Variants in LRP1B observed in about 807,000 individuals in gnomAD.
The protein encoded by LRP1B is LDL receptor related protein 1B, also known as low-density lipoprotein receptor-related protein 1B.
A neutral mutation model predicts 556.6 loss-of-function variants in LRP1B; 217 were observed. The observed-to-expected ratio is 0.39, with a 90% confidence interval of 0.35 to 0.44. The LOEUF is 0.44. Ranked by LOEUF, LRP1B falls within the 20% of genes least tolerant of loss-of-function variation. LRP1B has a pLI of 1.00. For synonymous variants in LRP1B, 2,047 were observed against 1,865.8 expected (o/e 1.10, Z -2.50); for missense variants, 5,053 against 5,620.8 (o/e 0.90, Z 3.23).
At chr2:140,504,842 C>A (rs925534043) in intron 53 of LRP1B, among the ~76,000 whole-genome samples, 1 of 152,158 alleles carries the variant, frequency 6.6e-6, no homozygotes, top group Non-Finnish European at 1.5e-5. Context: ...CACAATAACC[C>A]CCTAACTAGT....
intron 18 of LRP1B, among the ~76,000 whole-genome samples, chr2:140,981,413 T>A (rs1453034676): frequency 1.3e-5 from 2 of 152,110 alleles, no homozygotes; most frequent in African/African-American, 2.4e-5. Context: ...ATAGAAATTT[T>A]AAAAAATCTA....
chr2:140,659,191 A>G (rs1308741582), intron 41 of LRP1B, among the ~76,000 whole-genome samples: 2 of 143,178 alleles, frequency 1.4e-5, no homozygotes, highest in Non-Finnish European at 3.0e-5. Context: ...TTCAATGAGC[A>G]TGAAATGTGC....
At chr2:141,604,402 T>C (rs554835507) in intron 2 of LRP1B, among the ~76,000 whole-genome samples, 9 of 152,138 alleles carry the variant, frequency 5.9e-5, no homozygotes, top group Admixed American at 5.2e-4. Context: ...AAAATACTAC[T>C]ATTGATAGAG....
intron 2 of LRP1B, among the ~76,000 whole-genome samples, chr2:141,700,498 T>A (rs1259302294): frequency 6.6e-6 from 1 of 151,882 alleles, no homozygotes; most frequent in Non-Finnish European, 1.5e-5. Flanking sequence ...AAATGTTTCC[T>A]AATTTTTACA....
chr2:140,906,146 C>A (rs1243949214), intron 22 of LRP1B, among the ~76,000 whole-genome samples: 1 of 152,058 alleles, frequency 6.6e-6, no homozygotes, highest in African/African-American at 2.4e-5. Flanking sequence ...TGCCACAATG[C>A]TGCAATCATG....
intron 7 of LRP1B, among the ~76,000 whole-genome samples, chr2:141,139,649 A>G (rs1701581751): frequency 6.6e-6 from 1 of 152,020 alleles, no homozygotes; most frequent in Admixed American, 6.6e-5. Flanking sequence ...ATGCAATACA[A>G]TTACATATCT....
chr2:141,584,408 G>A (rs935363095), intron 2 of LRP1B, among the ~76,000 whole-genome samples: 1 of 152,126 alleles, frequency 6.6e-6, no homozygotes, highest in African/African-American at 2.4e-5. Flanking sequence ...AGATCCAATT[G>A]TGGCAAAGGA....
chr2:142,104,779 G>A lies in LRP1B; in HGVS notation c.82+25869C>T, dbSNP rs144902095. Among the ~76,000 whole-genome samples, 1,190 of 152,136 alleles carry A rather than the reference G, an allele frequency of 7.8e-3. 20 individuals carry two copies. Among genetic ancestry groups the A allele is most frequent in the African/African-American group, 0.027 (1,108 of 41,532 alleles). On this transcript the variant is annotated intron_variant, in intron 1 of 90. Transcript: ENST00000389484. ...TTTTCTCAGCCTTATACTTAACCAA[G>A]CCTTAAAAATGCGAGCAGTAAACAA...
chr2:140,483,492 G>A lies in LRP1B; in HGVS notation c.9425+1851C>T, dbSNP rs898376793. Among the ~76,000 whole-genome samples the A allele has an allele frequency of 8.0e-5, 12 of 150,190 alleles. 1 individual carries two copies. The highest frequency in any genetic ancestry group is 1.6e-4 in the Non-Finnish European group (11 of 67,582). On this transcript the variant is annotated intron_variant, in intron 59 of 90. Coordinates refer to ENST00000389484, the MANE Select transcript of LRP1B (RefSeq NM_018557.3). ...CTTTCATTAGAAAGTGAAGCATATT[G>A]AATAGCATGAAATGAGAAGCTAAGC...
At chr2:141,155,446 C>T (rs1465829935) in intron 7 of LRP1B, among the ~76,000 whole-genome samples, 1 of 150,276 alleles carries the variant, frequency 6.7e-6, no homozygotes, top group Non-Finnish European at 1.5e-5. Flanking sequence ...GGGTACACTT[C>T]TAATTTCCAT....
At chr2:141,753,141 G>A (rs1694179829) in intron 2 of LRP1B, among the ~76,000 whole-genome samples, 1 of 146,372 alleles carries the variant, frequency 6.8e-6, no homozygotes, top group Admixed American at 6.8e-5. Context: ...CCAGCTACTC[G>A]GGAGGCTGAG....
intron 90 of LRP1B, among the ~76,000 whole-genome samples, chr2:140,234,055 G>A (rs1305649201): frequency 1.3e-5 from 2 of 151,226 alleles, no homozygotes; most frequent in Non-Finnish European, 3.0e-5. Context: ...TTTGCCTAGT[G>A]TTTGTTTTCC....
intron 32 of LRP1B, among the ~76,000 whole-genome samples, chr2:140,808,456 C>T (rs568040786): frequency 6.6e-5 from 10 of 152,294 alleles, no homozygotes; most frequent in Admixed American, 4.6e-4. Flanking sequence ...CTCACTGTCT[C>T]TTCAGATCTT....
intron 2 of LRP1B, among the ~76,000 whole-genome samples, chr2:141,777,324 T>A (rs1186053373): frequency 6.6e-6 from 1 of 152,152 alleles, no homozygotes; most frequent in Non-Finnish European, 1.5e-5. Context: ...TGCCAAAATA[T>A]GATGAAGTAG....
At chr2:140,670,836 A>T (rs1685454553) in intron 41 of LRP1B, among the ~76,000 whole-genome samples, 1 of 152,224 alleles carries the variant, frequency 6.6e-6, no homozygotes, top group African/African-American at 2.4e-5. Context: ...AAATGGCAGT[A>T]GGAAGTCAAT....
At chr2:141,206,348 G>A (rs62174288) in intron 6 of LRP1B, among the ~76,000 whole-genome samples, 8,397 of 152,138 alleles carry the variant, frequency 0.055, 322 homozygotes, top group Non-Finnish European at 0.079. Flanking sequence ...TTGGAAGGCC[G>A]AGGCGGGCAG....
intron 3 of LRP1B, among the ~76,000 whole-genome samples, chr2:141,337,550 C>A (rs565364628): frequency 1.3e-5 from 2 of 152,254 alleles, no homozygotes; most frequent in East Asian, 3.9e-4. Context: ...TTTTGCAAAA[C>A]AATCATTTTA....
intron 3 of LRP1B, among the ~76,000 whole-genome samples, chr2:141,472,540 CA>C (rs1227148589): frequency 6.6e-6 from 1 of 151,604 alleles, no homozygotes; most frequent in South Asian, 2.1e-4. Flanking sequence ...GACTCCATCT[CA>C]AAAAAAATTA....
In LRP1B at chr2:140,310,848, T is replaced by G. The variant is rs192928729; in HGVS notation, c.12805+4087A>C. ...CAGGACACTGGCCTAGGCAAAAAATTTATAACTAAAACTTCAAAAGCAAAT... is the reference window on the plus strand; with the variant it reads ...CAGGACACTGGCCTAGGCAAAAAATGTATAACTAAAACTTCAAAAGCAAAT... On this transcript the variant is annotated intron_variant, in intron 83 of 90. Coordinates refer to ENST00000389484, the MANE Select transcript of LRP1B (RefSeq NM_018557.3). Among the ~76,000 whole-genome samples, 433 of 151,632 alleles carry G rather than the reference T, an allele frequency of 2.9e-3. 3 individuals are homozygous for G. The highest frequency in any genetic ancestry group is 9.8e-3 in the African/African-American group (404 of 41,428).
Sources: allele counts gnomAD v4.1 joint callset (sites outside exome capture counted in the v4.1 genomes callset), GRCh38; gene constraint gnomAD v4.1.1; transcripts MANE v1.5; gene names NCBI Gene and HGNC (gene_info 2026-07-23, HGNC 2026-07-21).